Variants in LPCAT1 observed in about 807,000 individuals in gnomAD.
LPCAT1 encodes lysophosphatidylcholine acyltransferase 1.
LPCAT1 carries 23 observed loss-of-function variants against 60.9 expected under a neutral mutation model. The observed-to-expected ratio is 0.38, with a 90% CI of 0.27 to 0.53. LPCAT1 has a LOEUF of 0.53. Ranked by LOEUF, LPCAT1 falls within the 20% of genes least tolerant of loss-of-function variation. The pLI, the probability that LPCAT1 is intolerant of heterozygous loss-of-function variation, is 0.82. For synonymous variants in LPCAT1, 340 were observed against 301.1 expected, an observed-to-expected ratio of 1.13 and a Z score of -1.34; for missense variants, 622 against 723.6, an observed-to-expected ratio of 0.86 and a Z score of 1.61.
chr5:1,464,882 A>C (rs1422015890), intron 13 of LPCAT1, among the ~76,000 whole-genome samples: 4 of 112,190 alleles, frequency 3.6e-5, no homozygotes, highest in South Asian at 6.4e-4. Context: ...TGTACACACA[A>C]ACAAGTGCAC....
At chr5:1,519,427 C>A (rs529971876) in intron 1 of LPCAT1, among the ~76,000 whole-genome samples, 1 of 152,234 alleles carries the variant, frequency 6.6e-6, no homozygotes, top group African/African-American at 2.4e-5. Flanking sequence ...CGATTTTGAA[C>A]CCCCCTTCCC....
At chr5:1,520,475 A>T (rs781767997) in intron 1 of LPCAT1, among the ~76,000 whole-genome samples, 1 of 152,200 alleles carries the variant, frequency 6.6e-6, no homozygotes, top group Non-Finnish European at 1.5e-5. Flanking sequence ...CGCCCGTCCA[A>T]GGACTCAGCT....
At chr5:1,519,515 C>T (rs778302323) in intron 1 of LPCAT1, among the ~76,000 whole-genome samples, 6 of 152,222 alleles carry the variant, frequency 3.9e-5, no homozygotes, top group Non-Finnish European at 7.3e-5. Context: ...GACAGGATTA[C>T]AGGAACGCTC....
intron 5 of LPCAT1, among the ~76,000 whole-genome samples, chr5:1,485,575 A>C (rs1290895547): frequency 6.6e-6 from 1 of 152,212 alleles, no homozygotes; most frequent in Non-Finnish European, 1.5e-5. Flanking sequence ...ATGGCTCAAC[A>C]GGGACCCCTG....
At chr5:1,499,134 T>C (rs1735914750) in intron 2 of LPCAT1, among the ~76,000 whole-genome samples, 2 of 152,206 alleles carry the variant, frequency 1.3e-5, no homozygotes, top group East Asian at 1.9e-4. Context: ...TTGTGGTCCA[T>C]TTATCGCCTG....
At position 1,495,219 on chromosome 5, in the gene LPCAT1, A is replaced by G. The variant is rs1361618406; in HGVS notation, c.279-305T>C. Among the ~76,000 whole-genome samples, 1 of 152,206 alleles carries G rather than the reference A, an allele frequency of 6.6e-6. No individual in the cohort carries two copies. The highest frequency in any genetic ancestry group is 1.5e-5 in the Non-Finnish European group (1 of 68,032). On this transcript the variant is annotated intron_variant, in intron 2 of 13. Coordinates refer to ENST00000283415, the MANE Select transcript of LPCAT1 (RefSeq NM_024830.5). The surrounding 1 kb of genome is among the most constrained non-coding windows in gnomAD (Gnocchi z 4.7). ...TGAGACTCCGGAACACAGACAGCAC[A>G]AGTCCCAGGCCAGAAGACCTCCGGA... is the stretch of plus-strand genomic sequence containing the variant.
At chr5:1,501,670 G>T in intron 1 of LPCAT1, 67 bp from the exon 2 acceptor site, 1 of 1,543,962 alleles carries the variant, frequency 6.5e-7, no homozygotes, top group Admixed American at 1.7e-5. Flanking sequence ...CCACCCGGCA[G>T]AGGCTAGCCC....
intron 1 of LPCAT1, among the ~76,000 whole-genome samples, chr5:1,516,180 T>C (rs1437654698): frequency 6.6e-6 from 1 of 152,198 alleles, no homozygotes; most frequent in Non-Finnish European, 1.5e-5. Context: ...GCCCACTCTT[T>C]ACAGAGACTT....
intron 11 of LPCAT1, among the ~76,000 whole-genome samples, chr5:1,472,092 GAGC>G (rs1264310679): frequency 6.7e-6 from 1 of 149,642 alleles, no homozygotes; most frequent in South Asian, 2.1e-4. Context: ...CCTGATCAGA[GAGC>G]AGGAGATAAT....
intron 1 of LPCAT1, among the ~76,000 whole-genome samples, chr5:1,504,498 C>T (rs1271430486): frequency 6.6e-6 from 1 of 152,192 alleles, no homozygotes; most frequent in African/African-American, 2.4e-5. Flanking sequence ...GGGAGGATCG[C>T]CTGCGGTCGG....
intron 3 of LPCAT1, among the ~76,000 whole-genome samples, chr5:1,494,330 T>C (rs1490371903): frequency 2.0e-5 from 3 of 152,062 alleles, no homozygotes; most frequent in East Asian, 3.9e-4. Context: ...ACAACGAAAA[T>C]TACACAGGAA....
chr5:1,471,369 A>C (rs1408275821), intron 11 of LPCAT1, among the ~76,000 whole-genome samples: 1 of 152,234 alleles, frequency 6.6e-6, no homozygotes, highest in Non-Finnish European at 1.5e-5. Flanking sequence ...TGTGGAAGCC[A>C]GTCAGCCCCG....
chr5:1,471,510 G>T (rs1265906054), intron 11 of LPCAT1, among the ~76,000 whole-genome samples: 1 of 152,244 alleles, frequency 6.6e-6, no homozygotes. Context: ...GGGACAGTCT[G>T]CACGTGGCTG....
Position 1,466,890 on chromosome 5 carries a change from T to A in LPCAT1, c.1279A>T (p.Met427Leu), listed in dbSNP as rs748135748. Reference protein sequence around the residue: ...TLDTIQLAFKMYGAQEDGSVG... With the variant: ...TLDTIQLAFKLYGAQEDGSVG... ...CTGCCGTCCTCTTGCGCTCCGTACATCTGCAAGGCAAACTGGGTGTCACCT... is the reference window on the plus strand; with the variant it reads ...CTGCCGTCCTCTTGCGCTCCGTACAACTGCAAGGCAAACTGGGTGTCACCT... Residue 427 changes from methionine (M) to leucine (L), a missense_variant and splice_region_variant, in exon 13 of 14, where the codon ATG (methionine) becomes TTG (leucine). Met to Leu is a conservative substitution (Grantham distance 15). Around this residue, in one of 3 missense-constraint regions of LPCAT1, gnomAD observed 288 missense variants for 283.6 expected, o/e 1.02. Coordinates refer to ENST00000283415, the MANE Select transcript of LPCAT1 (RefSeq NM_024830.5). The A allele has an allele frequency of 1.3e-5, 21 of 1,569,372 alleles. No homozygotes were observed. The highest frequency in any genetic ancestry group is 6.9e-6 in the Non-Finnish European group (8 of 1,152,790).
chr5:1,479,820 C>A, intron 7 of LPCAT1, 145 bp from the exon 8 acceptor site: 1 of 656,552 alleles, frequency 1.5e-6, no homozygotes, highest in South Asian at 1.7e-5. Context: ...GGGTGCCGTG[C>A]CCACCCAGCC....
chr5:1,509,233 C>T (rs996337033), intron 1 of LPCAT1, among the ~76,000 whole-genome samples: 3 of 152,286 alleles, frequency 2.0e-5, no homozygotes, highest in African/African-American at 7.2e-5. Context: ...GCCAGCCACC[C>T]CAAGCTCTAC....
chr5:1,496,230 A>G lies in LPCAT1; in HGVS notation c.279-1316T>C, dbSNP rs938239382. 8.5e-5 allele frequency among the ~76,000 whole-genome samples: 13 copies of G among 152,166 alleles called. No homozygotes were observed. The East Asian group carries it at 1.2e-3, about 14-fold the overall frequency. ...ACAAAAATTAGCTGGGCATGGTGGC[A>G]GGCGTCTGTAATCCCAGCCACTCAG... On this transcript the variant is annotated intron_variant, in intron 2 of 13. Transcript: ENST00000283415. This position sits in a 1 kb window ranked among gnomAD's most constrained non-coding sequence, Gnocchi z 4.7.
intron 13 of LPCAT1, 129 bp downstream of exon 13, chr5:1,466,619 AG>A: frequency 9.9e-7 from 1 of 1,005,472 alleles, no homozygotes; most frequent in South Asian, 2.3e-5. Context: ...TTTGTTACAC[AG>A]GGCAGCCTGG....
chr5:1,502,667 G>A lies in LPCAT1; in HGVS notation c.136-1064C>T, dbSNP rs1736061890. On this transcript the variant is annotated intron_variant, in intron 1 of 13. Coordinates refer to ENST00000283415, the MANE Select transcript of LPCAT1 (RefSeq NM_024830.5). This position sits in a 1 kb window ranked among gnomAD's most constrained non-coding sequence, Gnocchi z 5.5. Reference sequence around the variant, plus strand: ...AGGGGCGGGAGGCTTTGGGTGAGGGGAAACACCAGTCCTGAGGTGCAGGTT... The same window carrying A: ...AGGGGCGGGAGGCTTTGGGTGAGGGAAAACACCAGTCCTGAGGTGCAGGTT... Among the ~76,000 whole-genome samples, 1 of 151,976 alleles carries A rather than the reference G, an allele frequency of 6.6e-6. No homozygotes were observed. The highest frequency in any genetic ancestry group is 1.5e-5 in the Non-Finnish European group (1 of 67,982).
Sources: allele counts gnomAD v4.1 joint callset (sites outside exome capture counted in the v4.1 genomes callset), GRCh38; gene constraint gnomAD v4.1.1; regional missense constraint gnomAD v4.1.1; non-coding constraint Gnocchi (gnomAD v3.1); transcripts MANE v1.5; gene names NCBI Gene and HGNC (gene_info 2026-07-23, HGNC 2026-07-21).